The following STX12 variants were observed in gnomAD, a reference collection of about 807,000 sequenced individuals.
STX12 encodes the protein syntaxin 12.
In STX12, 17 loss-of-function variants were observed where a neutral mutation model predicts 42.2. That is an observed-to-expected ratio of 0.40 (90% CI 0.28 to 0.60). The LOEUF is 0.60. Ranked by LOEUF, STX12 falls within the 20% of genes least tolerant of loss-of-function variation. STX12 has a pLI of 0.39. For synonymous variants in STX12, 108 were observed against 116.7 expected (o/e 0.93, Z 0.48); for missense variants, 297 against 330.9 (o/e 0.90, Z 0.79).
intron 4 of STX12, among the ~76,000 whole-genome samples, chr1:27,804,072 C>G (rs2088844146): frequency 6.6e-6 from 1 of 152,060 alleles, no homozygotes; most frequent in Non-Finnish European, 1.5e-5. Flanking sequence ...AGATACAACT[C>G]AATAGAACAA....
At chr1:27,819,602 T>C (rs1292109778) in intron 7 of STX12, 48 bp from the exon 8 acceptor site, 2 of 1,548,422 alleles carry the variant, frequency 1.3e-6, no homozygotes, top group Non-Finnish European at 1.8e-6. Flanking sequence ...ATTTGCAGTC[T>C]TAAAACATCT....
At chr1:27,802,822 A>G (rs145643426) in intron 4 of STX12, among the ~76,000 whole-genome samples, 1,875 of 152,358 alleles carry the variant, frequency 0.012, 23 homozygotes, top group Admixed American at 0.027. Flanking sequence ...ATACCTACAA[A>G]GACTTTTTAT....
chr1:27,813,008 C>A (rs2088914975), intron 6 of STX12, among the ~76,000 whole-genome samples: 1 of 152,088 alleles, frequency 6.6e-6, no homozygotes, highest in Non-Finnish European at 1.5e-5. Context: ...AAGTCTTGCT[C>A]CATTTTTGTA....
intron 1 of STX12, among the ~76,000 whole-genome samples, chr1:27,784,052 T>C (rs1254848971): frequency 6.6e-6 from 1 of 151,946 alleles, no homozygotes; most frequent in Non-Finnish European, 1.5e-5. Flanking sequence ...TGGTGGCACA[T>C]GCCTATAATC....
In STX12 at chr1:27,773,382, C is replaced by T. The variant is rs775415962; in HGVS notation, c.75C>T (p.Ile25=). Residue 25 remains isoleucine, a synonymous_variant, in exon 1 of 9, where the codon ATC becomes ATT. Coordinates refer to ENST00000373943, the MANE Select transcript of STX12 (RefSeq NM_177424.3). ...CCCAGCTCCGGGACTTCAGCAGCAT[C>T]ATCCAGACGTGCAGCGGCAACATCC... The part of the protein sequence containing the change: ...SGPQLRDFSS[I]IQTCSGNIQR... 36 of 1,613,822 alleles carry T rather than the reference C, an allele frequency of 2.2e-5. 1 individual carries two copies. In the South Asian group the frequency reaches 4.0e-4, roughly 18 times the overall value.
chr1:27,779,347 T>G (rs1035972805), intron 1 of STX12, among the ~76,000 whole-genome samples: 1 of 145,954 alleles, frequency 6.9e-6, no homozygotes, highest in Admixed American at 6.7e-5. Flanking sequence ...TTTTTTGTTT[T>G]TTTTTGAGCC....
At chr1:27,784,180 C>CA (rs983398296) in intron 1 of STX12, among the ~76,000 whole-genome samples, 158 of 141,406 alleles carry the variant, frequency 1.1e-3, no homozygotes, top group South Asian at 1.3e-3. Context: ...AACTCTGTCT[C>CA]AAAAAAAAAA....
chr1:27,803,299 AAG>A (rs2088838528), intron 4 of STX12, among the ~76,000 whole-genome samples: 1 of 152,244 alleles, frequency 6.6e-6, no homozygotes. Flanking sequence ...ACCAGAGACA[AAG>A]AGAAAAATCA....
chr1:27,814,610 AGGCTGAGGCGAGT>A (rs2088927876), intron 6 of STX12, among the ~76,000 whole-genome samples: 1 of 152,128 alleles, frequency 6.6e-6, no homozygotes, highest in Admixed American at 6.6e-5. Flanking sequence ...GCACTTTGGG[AGGCTGAGGCGAGT>A]GGCTCACCTG....
At chr1:27,822,189 A>C (rs1435994739) in intron 8 of STX12, 42 bp from the exon 9 acceptor site, 1 of 1,220,304 alleles carries the variant, frequency 8.2e-7, no homozygotes, top group Non-Finnish European at 1.2e-6. Flanking sequence ...TACAAATTTT[A>C]CTTGTTTCAT....
chr1:27,818,061 T>C, intron 7 of STX12, 138 bp downstream of exon 7: 1 of 662,938 alleles, frequency 1.5e-6, no homozygotes, highest in African/African-American at 1.8e-5. Context: ...TAATGAGAAT[T>C]TGTCTCTTAA....
At chr1:27,778,477 G>A (rs1346908794) in intron 1 of STX12, among the ~76,000 whole-genome samples, 2 of 152,158 alleles carry the variant, frequency 1.3e-5, no homozygotes, top group African/African-American at 2.4e-5. Flanking sequence ...GATCACCTGA[G>A]GTCAGGCATT....
chr1:27,816,331 G>C (rs1452965802), intron 6 of STX12, among the ~76,000 whole-genome samples: 1 of 151,558 alleles, frequency 6.6e-6, no homozygotes, highest in Non-Finnish European at 1.5e-5. Context: ...AAAAATAGCC[G>C]GGCGTGGTGG....
chr1:27,782,775 G>A (rs977342476), intron 1 of STX12, among the ~76,000 whole-genome samples: 1 of 152,226 alleles, frequency 6.6e-6, no homozygotes, highest in African/African-American at 2.4e-5. Context: ...GGTGGAGGTT[G>A]CAGTGAGCTG....
intron 4 of STX12, among the ~76,000 whole-genome samples, chr1:27,808,311 TTTTA>T (rs34435449): frequency 0.018 from 2,604 of 144,216 alleles, 37 homozygotes; most frequent in African/African-American, 0.032. Flanking sequence ...TTGCTTTGTT[TTTTA>T]TTTATTTATT....
intron 3 of STX12, 102 bp from the exon 4 acceptor site, chr1:27,801,576 A>G: frequency 8.3e-7 from 1 of 1,209,962 alleles, no homozygotes; most frequent in Non-Finnish European, 1.1e-6. Flanking sequence ...TAATTTTCCT[A>G]GTTGGAAATC....
chr1:27,777,477 G>A (rs1205122973), intron 1 of STX12, among the ~76,000 whole-genome samples: 1 of 152,204 alleles, frequency 6.6e-6, no homozygotes, highest in Non-Finnish European at 1.5e-5. Context: ...ATAATAAATT[G>A]TATCAAATTG....
Position 27,812,191 on chromosome 1 carries a change from CAGG to C in STX12, c.504_506del (p.Glu168del). 1 of 1,559,472 alleles carries C rather than the reference CAGG, an allele frequency of 6.4e-7. No individual in the cohort carries two copies. Among genetic ancestry groups the C allele is most frequent in the Non-Finnish European group, 8.7e-7 (1 of 1,150,902 alleles). On this transcript the variant is annotated inframe_deletion, in exon 6 of 9. Coordinates refer to ENST00000373943, the MANE Select transcript of STX12 (RefSeq NM_177424.3). ...TGAGGAGTGGAACCAGATGCAGAGC[CAGG>C]AGGATGAGGTGGCCATCACTGAGCA...
chr1:27,805,760 T>A (rs951619724), intron 4 of STX12, among the ~76,000 whole-genome samples: 1 of 152,212 alleles, frequency 6.6e-6, no homozygotes, highest in Non-Finnish European at 1.5e-5. Context: ...CAGTCTATTA[T>A]GATAGATTGT....
Sources: gnomAD v4.1 joint callset for allele counts (sites outside exome capture counted in the v4.1 genomes callset) on GRCh38, gnomAD v4.1.1 for gene constraint, MANE v1.5 for transcripts, NCBI Gene and HGNC (gene_info 2026-07-23, HGNC 2026-07-21) for gene names.